PDE4D: variants seen among roughly 807,000 people sequenced by gnomAD.
PDE4D encodes phosphodiesterase 4D.
PDE4D carries 24 observed loss-of-function variants against 87.4 expected under a neutral mutation model. That is an observed-to-expected ratio of 0.27 (90% confidence interval 0.20 to 0.39). PDE4D has a LOEUF of 0.39. PDE4D is among the 10% of genes least tolerant of loss of function. The probability of loss-of-function intolerance (pLI) is 1.00; values close to 1 mark genes in which losing one functional copy is unlikely to be tolerated. For missense variants in PDE4D, 714 were observed against 1,041.0 expected (o/e 0.69, Z 4.32); for synonymous variants, 384 against 383.2 (o/e 1.00, Z -0.02).
chr5:59,234,368 CT>C (rs906121661), intron 1 of PDE4D, among the ~76,000 whole-genome samples: 1 of 152,018 alleles, frequency 6.6e-6, no homozygotes, highest in Admixed American at 6.6e-5. Context: ...ATGACTTATG[CT>C]TTTTTAATGA....
chr5:59,979,421 G>GGTGTGTGTGTGTGTGTGT lies in PDE4D; in HGVS notation c.272+9049_272+9066dup, dbSNP rs60199601. On this transcript the variant is annotated intron_variant, in intron 3 of 16. Transcript: ENST00000502484. ...TATATCTAGCTTTCACACAGCAAGGGGTGTGTGTGTGTGTGTGTGTGTTTA... is the reference window on the plus strand; with the variant it reads ...TATATCTAGCTTTCACACAGCAAGGGGTGTGTGTGTGTGTGTGTGTGTGTGTGTGTGTGTGTGTGTTTA... Among the ~76,000 whole-genome samples the GGTGTGTGTGTGTGTGTGT allele has an allele frequency of 7.4e-3, 1,092 of 147,692 alleles. 6 individuals carry two copies. The highest frequency in any genetic ancestry group is 0.013 in the South Asian group (60 of 4,638).
At chr5:59,660,608 G>A (rs1024021596) in intron 1 of PDE4D, among the ~76,000 whole-genome samples, 1 of 152,088 alleles carries the variant, frequency 6.6e-6, no homozygotes, top group Non-Finnish European at 1.5e-5. Flanking sequence ...TTCATATAAG[G>A]CTTTGTTTTC....
chr5:59,618,599 A>T (rs2150100663), intron 1 of PDE4D, among the ~76,000 whole-genome samples: 1 of 152,284 alleles, frequency 6.6e-6, no homozygotes, highest in South Asian at 2.1e-4. Flanking sequence ...AAATGTTCTG[A>T]GCATTGTGTG....
chr5:59,843,187 T>C (rs1315230005), intron 1 of PDE4D, among the ~76,000 whole-genome samples: 2 of 152,006 alleles, frequency 1.3e-5, no homozygotes, highest in African/African-American at 4.8e-5. Flanking sequence ...ACAATATAAA[T>C]AGCATGATAA....
intron 1 of PDE4D, among the ~76,000 whole-genome samples, chr5:59,324,355 C>A (rs1009221177): frequency 5.9e-5 from 9 of 152,280 alleles, no homozygotes; most frequent in Admixed American, 2.0e-4. Flanking sequence ...ACCCTTGCAG[C>A]CACATACTTA....
intron 1 of PDE4D, among the ~76,000 whole-genome samples, chr5:59,832,452 AAAAT>A (rs1741388182): frequency 6.6e-6 from 1 of 152,104 alleles, no homozygotes; most frequent in Non-Finnish European, 1.5e-5. Context: ...TGCAAGAATT[AAAAT>A]CACATTAGGA....
chr5:59,464,124 C>G (rs1801187355), intron 1 of PDE4D, among the ~76,000 whole-genome samples: 1 of 152,184 alleles, frequency 6.6e-6, no homozygotes, highest in Non-Finnish European at 1.5e-5. Context: ...AGGTATTGTT[C>G]AAGGTTTCTC....
chr5:60,217,897 C>T (rs1289113849), intron 1 of PDE4D, among the ~76,000 whole-genome samples: 2 of 151,880 alleles, frequency 1.3e-5, no homozygotes, highest in Non-Finnish European at 2.9e-5. Flanking sequence ...CTGACAATAT[C>T]ACATATGGGC....
chr5:59,500,689 C>T (rs1200116749), intron 1 of PDE4D, among the ~76,000 whole-genome samples: 1 of 152,100 alleles, frequency 6.6e-6, no homozygotes, highest in African/African-American at 2.4e-5. Context: ...TCATTACAAG[C>T]CCAAACCTCA....
intron 2 of PDE4D, among the ~76,000 whole-genome samples, chr5:60,079,710 T>C (rs529669053): frequency 6.6e-6 from 1 of 152,274 alleles, no homozygotes; most frequent in Admixed American, 6.5e-5. Context: ...ATTTCTGAGA[T>C]CTCTGTTCTG....
rs563173161 is a variant in PDE4D, at chr5:59,372,581, G to A, written c.456-156613C>T. On this transcript the variant is annotated intron_variant, in intron 1 of 14. Transcript: ENST00000340635. Reference sequence around the variant, plus strand: ...AGAACAGTGAATCCTCCCCTACCCTGAGCTATCACTCCTGCTTGTGGGGCA... The same window carrying A: ...AGAACAGTGAATCCTCCCCTACCCTAAGCTATCACTCCTGCTTGTGGGGCA... Among the ~76,000 whole-genome samples the A allele has an allele frequency of 1.2e-4, 19 of 152,214 alleles. No homozygotes were observed. The South Asian group carries it at 4.0e-3, about 32-fold the overall frequency.
chr5:60,366,749 G>T (rs527639590), intron 1 of PDE4D, among the ~76,000 whole-genome samples: 2 of 152,322 alleles, frequency 1.3e-5, no homozygotes, highest in African/African-American at 4.8e-5. Flanking sequence ...GTGCAGTGAA[G>T]AATCTGCAAA....
chr5:60,266,045 C>A (rs888383948), intron 1 of PDE4D, among the ~76,000 whole-genome samples: 4 of 152,124 alleles, frequency 2.6e-5, no homozygotes, highest in African/African-American at 9.6e-5. Context: ...AGGTGCTTTG[C>A]CTCACAGGGC....
At chr5:59,086,085 T>C (rs909036147) in intron 5 of PDE4D, among the ~76,000 whole-genome samples, 2 of 152,170 alleles carry the variant, frequency 1.3e-5, no homozygotes, top group Non-Finnish European at 2.9e-5. Flanking sequence ...GCCTCCACTT[T>C]ACACAGGAGA....
At chr5:59,962,630 A>G (rs1317306666) in intron 3 of PDE4D, among the ~76,000 whole-genome samples, 2 of 152,192 alleles carry the variant, frequency 1.3e-5, no homozygotes, top group Non-Finnish European at 2.9e-5. Context: ...ACAATCCTGA[A>G]GAAAAGTTTA....
intron 1 of PDE4D, among the ~76,000 whole-genome samples, chr5:59,858,651 C>G (rs1745811892): frequency 6.6e-6 from 1 of 152,112 alleles, no homozygotes; most frequent in Non-Finnish European, 1.5e-5. Flanking sequence ...ACTCACATAA[C>G]TATCCATAAG....
At chr5:60,126,183 A>G (rs1779106840) in intron 2 of PDE4D, among the ~76,000 whole-genome samples, 1 of 151,200 alleles carries the variant, frequency 6.6e-6, no homozygotes, top group Non-Finnish European at 1.5e-5. Flanking sequence ...CAGATCATCC[A>G]GACATTTAGA....
intron 1 of PDE4D, among the ~76,000 whole-genome samples, chr5:59,692,440 A>G (rs1237039511): frequency 6.6e-6 from 1 of 152,188 alleles, no homozygotes. Flanking sequence ...AGCCTCTAAA[A>G]TCTTCATCTT....
At position 60,112,571 on chromosome 5, in the gene PDE4D, T is replaced by C. The variant is rs568420020; in HGVS notation, c.42+72986A>G. ...TATTCTACTTAGTCAAAATAGCATA[T>C]GCCTGATCTCATTATTTTGAAAACT... On this transcript the variant is annotated intron_variant, in intron 2 of 16. Coordinates refer to the PDE4D transcript ENST00000502484. 1.6e-4 allele frequency among the ~76,000 whole-genome samples: 24 copies of C among 152,228 alleles called. 1 individual carries two copies. The East Asian group carries it at 2.5e-3, about 16-fold the overall frequency.
Sources: allele counts gnomAD v4.1 joint callset (sites outside exome capture counted in the v4.1 genomes callset), GRCh38; gene constraint gnomAD v4.1.1; transcripts MANE v1.5; gene names NCBI Gene and HGNC (gene_info 2026-07-23, HGNC 2026-07-21).